TTC28: variants seen among roughly 807,000 people sequenced by gnomAD.
TTC28 encodes the protein tetratricopeptide repeat domain 28.
A neutral mutation model predicts 198.0 loss-of-function variants in TTC28; 61 were observed. The ratio of observed to expected loss-of-function variants is 0.31; its 90% confidence interval spans 0.25 to 0.38. The LOEUF (loss-of-function observed/expected upper bound fraction) is 0.38, where lower values mean the gene tolerates loss of function less well. TTC28 is among the 10% of genes least tolerant of loss of function. The pLI is 1.00. For synonymous variants in TTC28, 1,171 were observed against 1,297.8 expected (o/e 0.90, Z 2.10); for missense variants, 2,678 against 3,164.0 (o/e 0.85, Z 3.69).
At chr22:28,318,813 T>G (rs2045396683) in intron 2 of TTC28, among the ~76,000 whole-genome samples, 1 of 5,146 alleles carries the variant, frequency 1.9e-4, no homozygotes, top group Admixed American at 4.9e-3. Context: ...AAGTGTATTC[T>G]TTTTTTTTTT....
At chr22:28,654,538 G>A (rs2051613913) in intron 1 of TTC28, among the ~76,000 whole-genome samples, 1 of 152,114 alleles carries the variant, frequency 6.6e-6, no homozygotes, top group South Asian at 2.1e-4. Context: ...ATGTTGGCCA[G>A]GATGGTCTCA....
rs2046903675 is a variant in TTC28, at chr22:28,401,229, C to T, written c.382-94586G>A. 5.3e-5 allele frequency among the ~76,000 whole-genome samples: 8 copies of T among 152,054 alleles called. 1 individual carries two copies. In the South Asian group the frequency reaches 1.7e-3, roughly 32 times the overall value. Reference sequence around the variant, plus strand: ...AGGATGACGATGACGATGACGACGACGATGACGACGACGACGACGACAACT... The same window carrying T: ...AGGATGACGATGACGATGACGACGATGATGACGACGACGACGACGACAACT... On this transcript the variant is annotated intron_variant, in intron 2 of 22. Transcript: ENST00000397906.
intron 2 of TTC28, among the ~76,000 whole-genome samples, chr22:28,319,940 A>G (rs372528949): frequency 6.6e-5 from 10 of 152,182 alleles, no homozygotes; most frequent in South Asian, 4.1e-4. Context: ...GAGTATATAG[A>G]TATCTGACAT....
chr22:28,096,160 T>C (rs1223442864), intron 11 of TTC28, 30 bp downstream of exon 11: 4 of 1,510,200 alleles, frequency 2.6e-6, no homozygotes, highest in Non-Finnish European at 3.6e-6. Context: ...AGTCTTCTAA[T>C]TGCCCTGTTC....
intron 2 of TTC28, among the ~76,000 whole-genome samples, chr22:28,419,966 G>A (rs916254052): frequency 2.6e-5 from 4 of 152,150 alleles, no homozygotes; most frequent in Non-Finnish European, 5.9e-5. Context: ...CAGATTTATC[G>A]GAAGTTAAAC....
intron 5 of TTC28, among the ~76,000 whole-genome samples, chr22:28,263,361 A>G (rs1421482542): frequency 1.3e-5 from 2 of 152,124 alleles, no homozygotes; most frequent in African/African-American, 4.8e-5. Context: ...ACTCTATTGC[A>G]TTTCTGATTC....
chr22:28,471,123 T>C (rs780376784), intron 2 of TTC28, among the ~76,000 whole-genome samples: 6 of 152,242 alleles, frequency 3.9e-5, no homozygotes, highest in Non-Finnish European at 8.8e-5. Flanking sequence ...CTTTCAACGC[T>C]TGGAAAATTG....
At chr22:28,025,823 C>T (rs1016341707) in intron 13 of TTC28, among the ~76,000 whole-genome samples, 4 of 152,118 alleles carry the variant, frequency 2.6e-5, no homozygotes, top group African/African-American at 4.8e-5. Flanking sequence ...TTAGTTATGA[C>T]GGCACCACTA....
intron 5 of TTC28, among the ~76,000 whole-genome samples, chr22:28,253,959 G>A (rs1193241246): frequency 6.6e-6 from 1 of 151,934 alleles, no homozygotes; most frequent in Non-Finnish European, 1.5e-5. Flanking sequence ...ACAAAAATTA[G>A]CCAGGCATGG....
chr22:28,557,715 T>G (rs995009072), intron 2 of TTC28, among the ~76,000 whole-genome samples: 1 of 152,244 alleles, frequency 6.6e-6, no homozygotes, highest in Non-Finnish European at 1.5e-5. Flanking sequence ...TTGGTCATCT[T>G]GGATTGTGAC....
intron 2 of TTC28, among the ~76,000 whole-genome samples, chr22:28,607,503 A>T (rs1211653783): frequency 1.3e-5 from 2 of 152,224 alleles, no homozygotes; most frequent in African/African-American, 4.8e-5. Context: ...CTTAAAAACA[A>T]GACTAAAATT....
At chr22:28,627,062 T>C (rs1024005502) in intron 2 of TTC28, among the ~76,000 whole-genome samples, 1 of 152,042 alleles carries the variant, frequency 6.6e-6, no homozygotes, top group African/African-American at 2.4e-5. Context: ...AATTTGAAAA[T>C]TAAGCTCTCC....
intron 12 of TTC28, among the ~76,000 whole-genome samples, chr22:28,043,031 G>C (rs1159887752): frequency 6.6e-6 from 1 of 151,934 alleles, no homozygotes; most frequent in Non-Finnish European, 1.5e-5. Context: ...GGATCACGAG[G>C]TCAGGAGTTC....
intron 5 of TTC28, among the ~76,000 whole-genome samples, chr22:28,209,571 C>T (rs2147174220): frequency 6.6e-6 from 1 of 152,322 alleles, no homozygotes; most frequent in East Asian, 1.9e-4. Flanking sequence ...AACTGCAAGG[C>T]AGCAGCGAGG....
chr22:28,172,725 TG>T (rs1407037088), intron 5 of TTC28, among the ~76,000 whole-genome samples: 1 of 152,162 alleles, frequency 6.6e-6, no homozygotes, highest in Non-Finnish European at 1.5e-5. Context: ...ATGGGTGTCC[TG>T]GAAGTCCGTA....
chr22:28,283,201 C>T (rs944646523), intron 5 of TTC28, among the ~76,000 whole-genome samples: 1 of 152,100 alleles, frequency 6.6e-6, no homozygotes, highest in Non-Finnish European at 1.5e-5. Flanking sequence ...GCCTTCCCCT[C>T]ATGAACTTAA....
intron 2 of TTC28, among the ~76,000 whole-genome samples, chr22:28,506,130 CAG>C (rs1216429880): frequency 3.9e-5 from 6 of 152,140 alleles, no homozygotes; most frequent in Admixed American, 3.9e-4. Flanking sequence ...GTTCTAAAGA[CAG>C]AGTCCTGATC....
chr22:28,079,394 G>C (rs927574714), intron 12 of TTC28, among the ~76,000 whole-genome samples: 1 of 151,960 alleles, frequency 6.6e-6, no homozygotes, highest in Non-Finnish European at 1.5e-5. Flanking sequence ...ATTTATTCTC[G>C]TAACCATTTT....
chr22:28,093,967 C>A (rs1298612469), intron 12 of TTC28, 113 bp downstream of exon 12: 1 of 1,138,276 alleles, frequency 8.8e-7, no homozygotes, highest in Non-Finnish European at 1.2e-6. Flanking sequence ...ACAGACTGAG[C>A]GCAACTACAT....
Sources: allele counts gnomAD v4.1 joint callset (sites outside exome capture counted in the v4.1 genomes callset), GRCh38; gene constraint gnomAD v4.1.1; transcripts MANE v1.5; gene names NCBI Gene and HGNC (gene_info 2026-07-23, HGNC 2026-07-21).